The following CACNA1E variants were observed in gnomAD, a reference collection of about 807,000 sequenced individuals.
The protein encoded by CACNA1E is calcium voltage-gated channel subunit alpha1 E.
In CACNA1E, 40 loss-of-function variants were observed where a neutral mutation model predicts 259.2. The observed-to-expected ratio is 0.15, with a 90% CI of 0.12 to 0.20. The LOEUF (loss-of-function observed/expected upper bound fraction) is 0.20, where lower values mean the gene tolerates loss of function less well. Among genes scored for constraint, CACNA1E ranks in the 10% least tolerant of loss-of-function variants. The pLI is 1.00. For missense variants in CACNA1E, 1,874 were observed against 3,040.1 expected, an observed-to-expected ratio of 0.62 and a Z score of 9.02; for synonymous variants, 1,104 against 1,138.5, an observed-to-expected ratio of 0.97 and a Z score of 0.61.
At chr1:181,506,741 T>C (rs1665741292) in intron 1 of CACNA1E, among the ~76,000 whole-genome samples, 2 of 152,176 alleles carry the variant, frequency 1.3e-5, no homozygotes, top group East Asian at 3.9e-4. Context: ...AGCACCTAGA[T>C]GTAAATGCCT....
At chr1:181,722,497 A>T (rs1299285261) in intron 16 of CACNA1E, among the ~76,000 whole-genome samples, 2 of 152,212 alleles carry the variant, frequency 1.3e-5, no homozygotes, top group Non-Finnish European at 1.5e-5. Flanking sequence ...AAGATCTAGA[A>T]CAGGAAATTT....
Position 181,477,336 on chromosome 1 carries a change from G to A in CACNA1E, c.435-6408G>A, listed in dbSNP as rs139865692. Among the ~76,000 whole-genome samples the A allele has an allele frequency of 1.6e-4, 25 of 152,224 alleles. No individual in the cohort carries two copies. The East Asian group carries it at 2.1e-3, about 13-fold the overall frequency. On this transcript the variant is annotated intron_variant, in intron 2 of 11. Transcript: ENST00000524607. The stretch of plus-strand genomic sequence containing the variant: ...TCTCCTGTGGTGCACTCCACATCCC[G>A]CCTTGTATTCGAGCCCTTTGTGGGT...
Position 181,542,508 on chromosome 1 carries a change from G to T in CACNA1E, c.512+30998G>T, listed in dbSNP as rs138473849. 2.0e-3 allele frequency among the ~76,000 whole-genome samples: 300 copies of T among 152,162 alleles called. 4 individuals carry two copies. The highest frequency in any genetic ancestry group is 7.0e-3 in the African/African-American group (290 of 41,500). ...AGGTGGAGGTAATTGAATCATGGGGGTGGTTTCCCCCATGCTGTTCTCATG... is the reference window on the plus strand; with the variant it reads ...AGGTGGAGGTAATTGAATCATGGGGTTGGTTTCCCCCATGCTGTTCTCATG... On this transcript the variant is annotated intron_variant, in intron 3 of 47. Transcript: ENST00000367573.
At chr1:181,389,815 C>A (rs1396647739) in intron 1 of CACNA1E, among the ~76,000 whole-genome samples, 2 of 152,102 alleles carry the variant, frequency 1.3e-5, no homozygotes, top group African/African-American at 4.8e-5. Flanking sequence ...TGATTTAGAG[C>A]AGAAGGAGCT....
chr1:181,440,896 G>A (rs566073206), intron 2 of CACNA1E, among the ~76,000 whole-genome samples: 6 of 149,096 alleles, frequency 4.0e-5, no homozygotes, highest in African/African-American at 9.8e-5. Flanking sequence ...TGGAAGGATC[G>A]CTTGAGCCTG....
intron 7 of CACNA1E, among the ~76,000 whole-genome samples, chr1:181,708,724 C>G (rs1413770761): frequency 2.6e-5 from 4 of 152,334 alleles, no homozygotes; most frequent in Non-Finnish European, 5.9e-5. Flanking sequence ...CTTACTTAAA[C>G]TCCATCAAGT....
chr1:181,359,278 C>G (rs188476112), intron 1 of CACNA1E, among the ~76,000 whole-genome samples: 3 of 152,126 alleles, frequency 2.0e-5, no homozygotes, highest in East Asian at 3.8e-4. Flanking sequence ...GCAAAGTGTA[C>G]AGCATGCTAA....
At chr1:181,600,478 G>C (rs568682420) in intron 6 of CACNA1E, among the ~76,000 whole-genome samples, 23 of 152,358 alleles carry the variant, frequency 1.5e-4, no homozygotes, top group African/African-American at 5.5e-4. Context: ...TGGTGGTGCA[G>C]CCTGGAATGG....
intron 6 of CACNA1E, among the ~76,000 whole-genome samples, chr1:181,598,371 G>A (rs1275019471): frequency 3.3e-5 from 5 of 152,194 alleles, no homozygotes; most frequent in East Asian, 1.9e-4. Context: ...AGGCAGTGGC[G>A]GTGTTCTCTC....
chr1:181,778,479 G>A (rs1315471483), intron 38 of CACNA1E, among the ~76,000 whole-genome samples: 1 of 152,214 alleles, frequency 6.6e-6, no homozygotes, highest in African/African-American at 2.4e-5. Flanking sequence ...AGGACTGAAT[G>A]CACAGAGGTG....
At chr1:181,657,220 T>C (rs1336052686) in intron 7 of CACNA1E, among the ~76,000 whole-genome samples, 4 of 152,242 alleles carry the variant, frequency 2.6e-5, no homozygotes, top group East Asian at 1.9e-4. Flanking sequence ...CGAATTTTGA[T>C]ATAGCCCCTT....
intron 7 of CACNA1E, among the ~76,000 whole-genome samples, chr1:181,654,982 C>CAAAAAA (rs1208750325): frequency 1.3e-3 from 69 of 53,236 alleles, no homozygotes; most frequent in Middle Eastern, 0.011. Flanking sequence ...GACTCCATCT[C>CAAAAAA]AAAAAAAAAA....
chr1:181,711,102 T>C (rs1252833074), intron 8 of CACNA1E, 33 bp downstream of exon 8: 1 of 1,439,416 alleles, frequency 6.9e-7, no homozygotes, highest in Non-Finnish European at 9.8e-7. Context: ...GGCTGGTGAG[T>C]GGGCTGCAGA....
chr1:181,548,945 C>A (rs1647827955), intron 3 of CACNA1E, among the ~76,000 whole-genome samples: 1 of 152,152 alleles, frequency 6.6e-6, no homozygotes, highest in South Asian at 2.1e-4. Flanking sequence ...TAACAAGGCA[C>A]AGCAGCATCT....
intron 38 of CACNA1E, among the ~76,000 whole-genome samples, chr1:181,777,989 A>G (rs1222180483): frequency 6.6e-6 from 1 of 152,354 alleles, no homozygotes; most frequent in East Asian, 1.9e-4. Flanking sequence ...TGCTGTGTGT[A>G]TAAAACATGC....
At chr1:181,611,785 C>A (rs1654776634) in intron 6 of CACNA1E, among the ~76,000 whole-genome samples, 2 of 152,176 alleles carry the variant, frequency 1.3e-5, no homozygotes, top group South Asian at 4.1e-4. Flanking sequence ...TATTGAAAGA[C>A]CCTATGGTTG....
At chr1:181,440,234 G>A (rs2102290709) in intron 2 of CACNA1E, among the ~76,000 whole-genome samples, 1 of 152,282 alleles carries the variant, frequency 6.6e-6, no homozygotes, top group Admixed American at 6.5e-5. Flanking sequence ...TGCTTCCATA[G>A]AAGGAGATGA....
intron 6 of CACNA1E, among the ~76,000 whole-genome samples, chr1:181,617,934 G>A (rs756588604): frequency 6.6e-6 from 1 of 152,158 alleles, no homozygotes; most frequent in South Asian, 2.1e-4. Context: ...TTTATTTTCG[G>A]TGTAGGAAGA....
chr1:181,353,534 G>C (rs1354836928), intron 1 of CACNA1E, among the ~76,000 whole-genome samples: 1 of 152,236 alleles, frequency 6.6e-6, no homozygotes, highest in African/African-American at 2.4e-5. Context: ...GAGAGAGAGA[G>C]AGCATGATGT....
Sources: gnomAD v4.1 joint callset for allele counts (sites outside exome capture counted in the v4.1 genomes callset) on GRCh38, gnomAD v4.1.1 for gene constraint, MANE v1.5 for transcripts, NCBI Gene and HGNC (gene_info 2026-07-23, HGNC 2026-07-21) for gene names.